The following LRRC4C variants were observed in gnomAD, a reference collection of about 807,000 sequenced individuals.
LRRC4C encodes the protein leucine-rich repeat-containing protein 4C.
In LRRC4C, 5 loss-of-function variants were observed where a neutral mutation model predicts 33.6. That is an observed-to-expected ratio of 0.15 (90% CI 0.08 to 0.31). The LOEUF is 0.31. LRRC4C is among the 10% of genes least tolerant of loss of function. The pLI, the probability that LRRC4C is intolerant of heterozygous loss-of-function variation, is 1.00. For missense variants in LRRC4C, 560 were observed against 796.7 expected, an observed-to-expected ratio of 0.70 and a Z score of 3.58; for synonymous variants, 329 against 302.0, an observed-to-expected ratio of 1.09 and a Z score of -0.93.
At chr11:40,969,997 T>C (rs1851611874) in intron 1 of LRRC4C, among the ~76,000 whole-genome samples, 1 of 152,178 alleles carries the variant, frequency 6.6e-6, no homozygotes, top group Non-Finnish European at 1.5e-5. Flanking sequence ...TTTAAGTGTG[T>C]TCCTGGCTCT....
chr11:40,991,409 CACAATG>C, intron 1 of LRRC4C, among the ~76,000 whole-genome samples: 1 of 152,200 alleles, frequency 6.6e-6, no homozygotes, highest in South Asian at 2.1e-4. Flanking sequence ...TATAATGTAA[CACAATG>C]CTCCCCACCC....
chr11:40,401,858 T>C (rs1348261571), intron 3 of LRRC4C, among the ~76,000 whole-genome samples: 2 of 152,116 alleles, frequency 1.3e-5, no homozygotes, highest in African/African-American at 4.8e-5. Flanking sequence ...GGTGTGTGCA[T>C]GTGTATGTGT....
chr11:40,657,933 G>A (rs1943216368), intron 2 of LRRC4C, among the ~76,000 whole-genome samples: 1 of 152,074 alleles, frequency 6.6e-6, no homozygotes, highest in Admixed American at 6.5e-5. Flanking sequence ...TTGGATTAAG[G>A]GCAAAGAACA....
rs117756138 is a variant in LRRC4C at position 40,545,759 on chromosome 11, G to T, written c.-270+102383C>A. Reference sequence around the variant, plus strand: ...ATACCTTTCTGTAAATGGAACTTTAGAGTTTCTATGTAGAGAGCCTTGGTC... The same window carrying T: ...ATACCTTTCTGTAAATGGAACTTTATAGTTTCTATGTAGAGAGCCTTGGTC... On this transcript the variant is annotated intron_variant, in intron 3 of 6. Transcript: ENST00000528697. Among the ~76,000 whole-genome samples, 98 of 152,076 alleles carry T rather than the reference G, an allele frequency of 6.4e-4. 2 individuals carry two copies. The East Asian group carries it at 0.016, about 25-fold the overall frequency.
chr11:40,478,020 T>C (rs1242432038), intron 3 of LRRC4C, among the ~76,000 whole-genome samples: 6 of 152,216 alleles, frequency 3.9e-5, no homozygotes, highest in African/African-American at 7.2e-5. Flanking sequence ...CTTTGCCTGC[T>C]GTCATCCACG....
intron 3 of LRRC4C, among the ~76,000 whole-genome samples, chr11:40,440,166 C>A (rs2137953156): frequency 6.6e-6 from 1 of 152,266 alleles, no homozygotes; most frequent in African/African-American, 2.4e-5. Flanking sequence ...CTGTTATTTT[C>A]TCTGCTGCAT....
At chr11:40,999,086 C>A (rs576206617) in intron 1 of LRRC4C, among the ~76,000 whole-genome samples, 1 of 152,090 alleles carries the variant, frequency 6.6e-6, no homozygotes. Context: ...GACTGCAGAT[C>A]GATGAACACA....
chr11:41,193,498 C>T (rs1193073557), intron 1 of LRRC4C, among the ~76,000 whole-genome samples: 2 of 152,072 alleles, frequency 1.3e-5, no homozygotes, highest in African/African-American at 2.4e-5. Context: ...GCCATGAAAC[C>T]CATCAAGCTA....
intron 1 of LRRC4C, among the ~76,000 whole-genome samples, chr11:41,263,344 T>A (rs1949044180): frequency 6.6e-6 from 1 of 152,114 alleles, no homozygotes; most frequent in Non-Finnish European, 1.5e-5. Context: ...ATTCTACTAT[T>A]AAGAACAGTC....
At chr11:40,211,357 A>T (rs918818471) in intron 5 of LRRC4C, among the ~76,000 whole-genome samples, 1 of 152,180 alleles carries the variant, frequency 6.6e-6, no homozygotes, top group Non-Finnish European at 1.5e-5. Context: ...TTTTATGGGA[A>T]TTTTTCTCAG....
chr11:40,390,312 C>T (rs957118319), intron 3 of LRRC4C, among the ~76,000 whole-genome samples: 1 of 152,144 alleles, frequency 6.6e-6, no homozygotes, highest in South Asian at 2.1e-4. Context: ...AGCTTAATCT[C>T]GAGTGTTAAA....
At chr11:40,986,046 G>A (rs1488845656) in intron 1 of LRRC4C, among the ~76,000 whole-genome samples, 1 of 152,084 alleles carries the variant, frequency 6.6e-6, no homozygotes, top group African/African-American at 2.4e-5. Context: ...TTAGCAAAAT[G>A]AGTAAAACTA....
intron 3 of LRRC4C, among the ~76,000 whole-genome samples, chr11:40,351,331 C>G (rs191763353): frequency 2.2e-4 from 33 of 151,286 alleles, no homozygotes; most frequent in Admixed American, 4.6e-4. Context: ...TGTGTTCTAT[C>G]CTTGAGAATA....
intron 2 of LRRC4C, among the ~76,000 whole-genome samples, chr11:40,862,156 A>G (rs1159413978): frequency 1.3e-5 from 2 of 152,240 alleles, no homozygotes; most frequent in African/African-American, 4.8e-5. Context: ...TGGGAATACT[A>G]CTGAATACAA....
chr11:40,301,929 A>G (rs1259194751), intron 4 of LRRC4C, among the ~76,000 whole-genome samples: 1 of 152,212 alleles, frequency 6.6e-6, no homozygotes, highest in African/African-American at 2.4e-5. Context: ...TGATATTGAC[A>G]CCGAAATGGA....
At chr11:40,707,003 C>T (rs1229270213) in intron 2 of LRRC4C, among the ~76,000 whole-genome samples, 3 of 152,068 alleles carry the variant, frequency 2.0e-5, no homozygotes, top group Non-Finnish European at 2.9e-5. Flanking sequence ...CATGATTTGG[C>T]CCTCTGTTTG....
intron 3 of LRRC4C, among the ~76,000 whole-genome samples, chr11:40,430,627 G>A (rs1374110511): frequency 6.6e-6 from 1 of 152,026 alleles, no homozygotes; most frequent in African/African-American, 2.4e-5. Context: ...TGGCTGGTCA[G>A]CACAGAAATT....
chr11:41,102,848 A>G (rs1192233520), intron 1 of LRRC4C, among the ~76,000 whole-genome samples: 1 of 152,016 alleles, frequency 6.6e-6, no homozygotes. Context: ...TAATGTACAT[A>G]AATCTCTATG....
chr11:41,238,713 T>C (rs187575682), intron 1 of LRRC4C, among the ~76,000 whole-genome samples: 324 of 152,290 alleles, frequency 2.1e-3, no homozygotes, highest in Non-Finnish European at 3.5e-3. Context: ...ACAAATTAAA[T>C]CAACACCCTG....
Sources: gnomAD v4.1 joint callset for allele counts (sites outside exome capture counted in the v4.1 genomes callset) on GRCh38, gnomAD v4.1.1 for gene constraint, MANE v1.5 for transcripts, NCBI Gene and HGNC (gene_info 2026-07-23, HGNC 2026-07-21) for gene names.